AK5: variants seen among roughly 807,000 people sequenced by gnomAD.
AK5 encodes adenylate kinase isoenzyme 5.
AK5 carries 27 observed loss-of-function variants against 69.5 expected under a neutral mutation model. The observed-to-expected ratio is 0.39, with a 90% CI of 0.29 to 0.54. The LOEUF is 0.54. Among genes scored for constraint, AK5 ranks in the 20% least tolerant of loss-of-function variants. The pLI is 0.71. For synonymous variants in AK5, 260 were observed against 244.4 expected (o/e 1.06, Z -0.60); for missense variants, 531 against 700.4 (o/e 0.76, Z 2.73).
intron 13 of AK5, among the ~76,000 whole-genome samples, chr1:77,550,345 C>G (rs1331049444): frequency 6.6e-6 from 1 of 152,178 alleles, no homozygotes; most frequent in Non-Finnish European, 1.5e-5. Flanking sequence ...CTCAGAATTG[C>G]AGATCTTTCG....
intron 5 of AK5, among the ~76,000 whole-genome samples, chr1:77,339,642 ATC>A (rs1183845727): frequency 9.4e-4 from 117 of 124,118 alleles, no homozygotes; most frequent in African/African-American, 1.4e-3. Flanking sequence ...ATTTAGCAAT[ATC>A]TTTTTTTTTT....
chr1:77,469,093 G>A (rs61784767), intron 8 of AK5, among the ~76,000 whole-genome samples: 3,929 of 152,304 alleles, frequency 0.026, 46 homozygotes, highest in Middle Eastern at 0.082. Context: ...GATCTTAATG[G>A]CTTAAAACAA....
chr1:77,501,278 G>A (rs1469681097), intron 10 of AK5, among the ~76,000 whole-genome samples: 1 of 152,236 alleles, frequency 6.6e-6, no homozygotes, highest in African/African-American at 2.4e-5. Context: ...CCAGTCCAGA[G>A]CTGGTGAGCA....
intron 13 of AK5, among the ~76,000 whole-genome samples, chr1:77,542,759 TTATGA>T (rs779500707): frequency 3.3e-5 from 5 of 152,206 alleles, no homozygotes; most frequent in African/African-American, 4.8e-5. Flanking sequence ...CCAATGAACA[TTATGA>T]TATATTTCCG....
At chr1:77,487,653 A>G (rs933593400) in intron 10 of AK5, among the ~76,000 whole-genome samples, 1 of 152,234 alleles carries the variant, frequency 6.6e-6, no homozygotes, top group African/African-American at 2.4e-5. Context: ...TTGTTAGATG[A>G]GGAAACTGAG....
intron 10 of AK5, among the ~76,000 whole-genome samples, chr1:77,517,068 CAAA>C (rs111239926): frequency 1.5e-5 from 2 of 136,250 alleles, no homozygotes. Context: ...AAGACCATCT[CAAA>C]AAAAAAAAAA....
intron 6 of AK5, among the ~76,000 whole-genome samples, chr1:77,348,498 T>TTAA (rs1368254367): frequency 2.0e-5 from 3 of 148,454 alleles, no homozygotes; most frequent in Non-Finnish European, 4.5e-5. Context: ...ACCCTAAAAC[T>TTAA]TAAAGTATAA....
rs1364228521 is a variant in AK5 at position 77,396,921 on chromosome 1, C to T, written c.892-14060C>T. On this transcript the variant is annotated intron_variant, in intron 6 of 13. Coordinates refer to ENST00000354567, the MANE Select transcript of AK5 (RefSeq NM_174858.3). ...TATTACCTAGCATATATAGTAAATGCTTAATAAATGGTAACTCGTGCCATG... is the reference window on the plus strand; with the variant it reads ...TATTACCTAGCATATATAGTAAATGTTTAATAAATGGTAACTCGTGCCATG... Among the ~76,000 whole-genome samples, 3 of 152,332 alleles carry T rather than the reference C, an allele frequency of 2.0e-5. No homozygotes were observed. In the South Asian group the frequency reaches 6.2e-4, roughly 32 times the overall value.
intron 5 of AK5, among the ~76,000 whole-genome samples, chr1:77,308,290 A>G (rs1440113792): frequency 3.3e-5 from 5 of 152,066 alleles, no homozygotes; most frequent in Non-Finnish European, 5.9e-5. Context: ...AAAGAAGAGG[A>G]GGAGATAAGA....
At position 77,403,827 on chromosome 1, in the gene AK5, T is replaced by C. The variant is rs1263207917; in HGVS notation, c.892-7154T>C. ...ACTTTAAAGTAGCTTTTTCCAATTC[T>C]GTGAAGAAAGTCATTGGTAGCTTGA... On this transcript the variant is annotated intron_variant, in intron 6 of 13. Transcript: ENST00000354567. Among the ~76,000 whole-genome samples, 6 of 152,392 alleles carry C rather than the reference T, an allele frequency of 3.9e-5. No individual in the cohort carries two copies. In the East Asian group the frequency reaches 9.6e-4, roughly 24 times the overall value.
At chr1:77,500,218 T>C (rs963078595) in intron 10 of AK5, among the ~76,000 whole-genome samples, 2 of 152,098 alleles carry the variant, frequency 1.3e-5, no homozygotes, top group Admixed American at 6.5e-5. Context: ...GCGGAGTCTT[T>C]ATAAAGTCTT....
intron 8 of AK5, among the ~76,000 whole-genome samples, chr1:77,431,167 G>C (rs374955532): frequency 1.1e-4 from 17 of 152,198 alleles, no homozygotes; most frequent in African/African-American, 4.1e-4. Flanking sequence ...AGGGTTTCAA[G>C]AGAGTAGAAG....
At chr1:77,340,591 A>C (rs558008186) in intron 6 of AK5, 23 bp downstream of exon 6, 2 of 1,605,232 alleles carry the variant, frequency 1.2e-6, no homozygotes, top group African/African-American at 2.7e-5. Flanking sequence ...GACTTTTACA[A>C]GTCCAATACA....
intron 8 of AK5, among the ~76,000 whole-genome samples, chr1:77,438,199 C>A (rs993144183): frequency 2.9e-4 from 40 of 139,860 alleles, no homozygotes; most frequent in Non-Finnish European, 9.0e-5. Flanking sequence ...AGTGAAAAAG[C>A]AGATTCAGAG....
intron 8 of AK5, among the ~76,000 whole-genome samples, chr1:77,421,857 C>T (rs1407185131): frequency 6.6e-6 from 1 of 152,180 alleles, no homozygotes; most frequent in Non-Finnish European, 1.5e-5. Flanking sequence ...CCCTTCTCTC[C>T]TAACTGCACA....
intron 2 of AK5, among the ~76,000 whole-genome samples, chr1:77,290,517 C>T (rs901775660): frequency 3.3e-5 from 5 of 152,208 alleles, no homozygotes; most frequent in Admixed American, 3.3e-4. Context: ...TATTGGCTGA[C>T]TGTCTTTAAA....
At chr1:77,476,489 C>A (rs1654942905) in intron 8 of AK5, among the ~76,000 whole-genome samples, 1 of 152,146 alleles carries the variant, frequency 6.6e-6, no homozygotes, top group Non-Finnish European at 1.5e-5. Context: ...ATTTTCAGAT[C>A]ATTGGTTTAG....
intron 8 of AK5, among the ~76,000 whole-genome samples, chr1:77,435,155 A>G (rs1464665749): frequency 6.6e-6 from 1 of 152,210 alleles, no homozygotes; most frequent in Non-Finnish European, 1.5e-5. Flanking sequence ...AAAAAGATGT[A>G]TCCTCTCAAG....
At chr1:77,396,939 G>T (rs143484519) in intron 6 of AK5, among the ~76,000 whole-genome samples, 2 of 152,192 alleles carry the variant, frequency 1.3e-5, no homozygotes, top group Non-Finnish European at 2.9e-5. Context: ...ATGGTAACTC[G>T]TGCCATGCAC....
Sources: gnomAD v4.1 joint callset for allele counts (sites outside exome capture counted in the v4.1 genomes callset) on GRCh38, gnomAD v4.1.1 for gene constraint, MANE v1.5 for transcripts, NCBI Gene and HGNC (gene_info 2026-07-23, HGNC 2026-07-21) for gene names.